Variants in PISD observed in about 807,000 individuals in gnomAD.
PISD encodes phosphatidylserine decarboxylase, also known as phosphatidylserine decarboxylase proenzyme, mitochondrial.
Under a neutral mutation model 43.5 loss-of-function variants are expected in PISD, and 31 were observed. That is an observed-to-expected ratio of 0.71 (90% CI 0.54 to 0.96). The LOEUF (loss-of-function observed/expected upper bound fraction) is 0.96, where lower values mean the gene tolerates loss of function less well. Ranked by LOEUF, PISD falls within the 40% of genes least tolerant of loss-of-function variation. The probability of loss-of-function intolerance (pLI) is 0.00; values close to 1 mark genes in which losing one functional copy is unlikely to be tolerated. For synonymous variants in PISD, 259 were observed against 228.7 expected, an observed-to-expected ratio of 1.13 and a Z score of -1.20; for missense variants, 523 against 548.4, an observed-to-expected ratio of 0.95 and a Z score of 0.46.
At chr22:31,626,653 C>A (rs1470688999) in intron 3 of PISD, among the ~76,000 whole-genome samples, 1 of 152,218 alleles carries the variant, frequency 6.6e-6, no homozygotes, top group African/African-American at 2.4e-5. Flanking sequence ...CAGTTCCACT[C>A]CCCTTTTTCC....
chr22:31,644,847 G>A (rs942086073), intron 3 of PISD, among the ~76,000 whole-genome samples: 5 of 152,126 alleles, frequency 3.3e-5, no homozygotes, highest in Admixed American at 6.5e-5. Context: ...TGTTTTGGCC[G>A]GGCATGGTGG....
intron 3 of PISD, among the ~76,000 whole-genome samples, chr22:31,640,673 T>C (rs1192950784): frequency 1.6e-5 from 2 of 124,284 alleles, no homozygotes; most frequent in African/African-American, 6.1e-5. Flanking sequence ...CTCTGCCTCC[T>C]GGGTTCAAGC....
At chr22:31,631,150 C>T (rs1175554654) in intron 3 of PISD, among the ~76,000 whole-genome samples, 2 of 152,190 alleles carry the variant, frequency 1.3e-5, no homozygotes, top group Admixed American at 1.3e-4. Context: ...TGTCCTCAGT[C>T]TGTCCGCTGG....
intron 3 of PISD, 43 bp downstream of exon 3, chr22:31,648,058 G>C: frequency 6.5e-7 from 1 of 1,536,812 alleles, no homozygotes; most frequent in Non-Finnish European, 8.9e-7. Context: ...GACAGACAAA[G>C]TTTGCTGGAC....
At chr22:31,621,530 A>G in intron 4 of PISD, 58 bp from the exon 5 acceptor site, 3 of 1,607,402 alleles carry the variant, frequency 1.9e-6, no homozygotes, top group Non-Finnish European at 2.6e-6. Context: ...CCCCCAGGAG[A>G]CAGCCCCCAC....
At position 31,621,372 on chromosome 22, in the gene PISD, C is replaced by T; in HGVS notation, c.659G>A (p.Gly220Asp). ...CAGGTCCTCTGTGCACATACGCGGG[C>T]CCAGGAACGACTCCAGGGAGTAGGT... The part of the protein sequence containing the change: ...GVTYSLESFL[G>D]PRMCTEDLPF... The change falls in exon 5 of 8, where the codon GGC (glycine) becomes GAC (aspartate). Residue 220 changes from glycine (G) to aspartate (D), a missense_variant. Gly to Asp is a moderately conservative substitution (Grantham distance 94). Coordinates refer to ENST00000439502, the MANE Select transcript of PISD (RefSeq NM_001326411.2). 6.2e-7 allele frequency: 1 copy of T among 1,614,104 alleles called. No homozygotes were observed. Among genetic ancestry groups the T allele is most frequent in the Non-Finnish European group, 8.5e-7 (1 of 1,180,030 alleles).
intron 1 of PISD, among the ~76,000 whole-genome samples, chr22:31,658,096 G>T (rs995368021): frequency 6.6e-6 from 1 of 152,084 alleles, no homozygotes; most frequent in Non-Finnish European, 1.5e-5. Context: ...TGTATACCTC[G>T]ATGAACACGG....
intron 1 of PISD, among the ~76,000 whole-genome samples, chr22:31,656,681 T>TA (rs1384497131): frequency 2.0e-5 from 3 of 150,068 alleles, no homozygotes; most frequent in African/African-American, 7.4e-5. Flanking sequence ...AATAAATAAA[T>TA]AAACAAAACA....
chr22:31,661,058 A>G (rs2074302643), intron 1 of PISD, among the ~76,000 whole-genome samples: 1 of 152,214 alleles, frequency 6.6e-6, no homozygotes, highest in Non-Finnish European at 1.5e-5. Context: ...AAATGAATTC[A>G]GGGTTGACTC....
At position 31,638,434 on chromosome 22, in the gene PISD, G is replaced by A. The variant is rs1042274990; in HGVS notation, c.321+9667C>T. ...CTGGGTCTGTGGAGGGGCGAGGAAGGGGGGATGAAGGGGGATGAAGTGGGG... is the reference window on the plus strand; with the variant it reads ...CTGGGTCTGTGGAGGGGCGAGGAAGAGGGGATGAAGGGGGATGAAGTGGGG... On this transcript the variant is annotated intron_variant, in intron 3 of 7. Coordinates refer to ENST00000439502, the MANE Select transcript of PISD (RefSeq NM_001326411.2). The A allele has an allele frequency of 1.7e-5, 17 of 983,696 alleles. No individual in the cohort carries two copies. The East Asian group carries it at 7.9e-4, about 46-fold the overall frequency. The allele number at this position is 983,696 out of a possible 1,614,324, so 60.9% of individuals were successfully genotyped here.
chr22:31,633,301 T>C (rs2073282691), intron 3 of PISD, among the ~76,000 whole-genome samples: 1 of 152,184 alleles, frequency 6.6e-6, no homozygotes, highest in Admixed American at 6.6e-5. Flanking sequence ...CTACCTCCCA[T>C]GTGCTGAGAG....
chr22:31,625,300 G>A (rs987726524), intron 3 of PISD, among the ~76,000 whole-genome samples: 2 of 152,224 alleles, frequency 1.3e-5, no homozygotes, highest in Non-Finnish European at 2.9e-5. Context: ...CAGGAAGGTG[G>A]CAGGGGCCAA....
intron 3 of PISD, among the ~76,000 whole-genome samples, chr22:31,636,291 T>A (rs1208528812): frequency 2.0e-5 from 3 of 152,178 alleles, no homozygotes; most frequent in African/African-American, 2.4e-5. Flanking sequence ...CATTTTTTTT[T>A]TATTCTAAAC....
At chr22:31,646,513 T>C (rs2073892122) in intron 3 of PISD, among the ~76,000 whole-genome samples, 1 of 152,244 alleles carries the variant, frequency 6.6e-6, no homozygotes, top group Non-Finnish European at 1.5e-5. Flanking sequence ...GTTGGTCTTT[T>C]ATGATTTTGG....
chr22:31,619,798 G>A lies in PISD; in HGVS notation c.1044C>T (p.Ser348=). 6.2e-7 allele frequency: 1 copy of A among 1,614,160 alleles called. No homozygotes were observed. The highest frequency in any genetic ancestry group is 1.1e-5 in the South Asian group (1 of 91,086). Residue 348 remains serine, a synonymous_variant, in exon 8 of 8, where the codon TCC becomes TCT. Transcript: ENST00000439502. ...HTNSPRHSKG[S]YNDFSFVTHT... ...GCGTCACGAAGCTGAAGTCATTGTA[G>A]GAGCCCTTGCTGTGCCTTGGGCTGT...
intron 3 of PISD, among the ~76,000 whole-genome samples, chr22:31,646,699 G>A (rs1457807159): frequency 6.6e-6 from 1 of 152,096 alleles, no homozygotes; most frequent in Non-Finnish European, 1.5e-5. Context: ...ACAGTCACGT[G>A]CTACCTACAC....
At position 31,620,743 on chromosome 22, in the gene PISD, C is replaced by T. The variant is rs186417251; in HGVS notation, c.845-30G>A. ...AGAGGCAGGGAATGCCGCTACTCCC[C>T]GTCCAGAGCCCGGTGTGTCCACCCC... is the stretch of plus-strand genomic sequence containing the variant. On this transcript the variant is annotated intron_variant, in intron 6 of 7. Coordinates refer to ENST00000439502, the MANE Select transcript of PISD (RefSeq NM_001326411.2). The T allele has an allele frequency of 1.2e-4, 194 of 1,612,522 alleles. No individual in the cohort carries two copies. The African/African-American group carries it at 2.1e-3, about 17-fold the overall frequency.
At chr22:31,649,057 C>T (rs2073963255) in intron 2 of PISD, among the ~76,000 whole-genome samples, 1 of 151,990 alleles carries the variant, frequency 6.6e-6, no homozygotes, top group African/African-American at 2.4e-5. Flanking sequence ...TACAGGTCAA[C>T]AATAAAAAGA....
rs892108111 is a variant in PISD at position 31,630,803 on chromosome 22, C to T, written c.322-8918G>A. 146 of 985,452 alleles carry T rather than the reference C, an allele frequency of 1.5e-4. No homozygotes were observed. Among genetic ancestry groups the T allele is most frequent in the Non-Finnish European group, 1.7e-4 (143 of 830,036 alleles). The allele number at this position is 985,452 out of a possible 1,614,324, so 61.0% of individuals were successfully genotyped here. ...CCGGGGCGCCGGCTCCGCTCACTCA[C>T]CCGCAGGTGGCTCCAGCTTCCGGGC... On this transcript the variant is annotated intron_variant, in intron 3 of 7. Coordinates refer to ENST00000439502, the MANE Select transcript of PISD (RefSeq NM_001326411.2). The surrounding 1 kb of genome is among the most constrained non-coding windows in gnomAD (Gnocchi z 4.4).
Sources: allele counts gnomAD v4.1 joint callset (sites outside exome capture counted in the v4.1 genomes callset), GRCh38; gene constraint gnomAD v4.1.1; non-coding constraint Gnocchi (gnomAD v3.1); transcripts MANE v1.5; gene names NCBI Gene and HGNC (gene_info 2026-07-23, HGNC 2026-07-21).